HNRNPC: variants seen among roughly 807,000 people sequenced by gnomAD.
HNRNPC encodes heterogeneous nuclear ribonucleoprotein C.
In HNRNPC, 3 loss-of-function variants were observed where a neutral mutation model predicts 33.2. The ratio of observed to expected loss-of-function variants is 0.09; its 90% CI spans 0.04 to 0.23. The LOEUF (loss-of-function observed/expected upper bound fraction) is 0.23, where lower values mean the gene tolerates loss of function less well. Among genes scored for constraint, HNRNPC ranks in the 10% least tolerant of loss-of-function variants. The probability of loss-of-function intolerance (pLI) is 1.00; values close to 1 mark genes in which losing one functional copy is unlikely to be tolerated. For missense variants in HNRNPC, 143 were observed against 366.7 expected, an observed-to-expected ratio of 0.39 and a Z score of 4.98; for synonymous variants, 121 against 126.7, an observed-to-expected ratio of 0.96 and a Z score of 0.30.
At chr14:21,249,603 A>C (rs1044818502) in intron 2 of HNRNPC, among the ~76,000 whole-genome samples, 3 of 148,316 alleles carry the variant, frequency 2.0e-5, no homozygotes, top group African/African-American at 5.1e-5. Flanking sequence ...CAAAAAAAAA[A>C]AAAAAAAAAA....
At chr14:21,242,937 C>A (rs1203209502) in intron 2 of HNRNPC, among the ~76,000 whole-genome samples, 2 of 152,108 alleles carry the variant, frequency 1.3e-5, no homozygotes, top group Non-Finnish European at 2.9e-5. Flanking sequence ...CCGGCATGGC[C>A]AATGTGGTGA....
At chr14:21,245,101 A>G (rs931356436) in intron 2 of HNRNPC, among the ~76,000 whole-genome samples, 8 of 150,532 alleles carry the variant, frequency 5.3e-5, no homozygotes, top group African/African-American at 2.0e-4. Context: ...AAAAAAAAAA[A>G]AAAAAGCAAA....
In HNRNPC at chr14:21,230,379, T is replaced by C. The variant is rs1230670172; in HGVS notation, c.318-13A>G. The stretch of plus-strand genomic sequence containing the variant: ...GTCAAAAGAGGAGCTGAAAAATAAA[T>C]ACCGAAAAGGGTTAATTTGGAAATG... On this transcript the variant is annotated splice_polypyrimidine_tract_variant and intron_variant, in intron 4 of 8. Transcript: ENST00000553300. 1.9e-6 allele frequency: 3 copies of C among 1,599,976 alleles called. No individual in the cohort carries two copies. The highest frequency in any genetic ancestry group is 1.1e-5 in the South Asian group (1 of 90,594).
At chr14:21,251,159 G>A (rs1006274791) in intron 2 of HNRNPC, among the ~76,000 whole-genome samples, 2 of 146,324 alleles carry the variant, frequency 1.4e-5, no homozygotes, top group South Asian at 2.2e-4. Flanking sequence ...TACTCGGGAG[G>A]CTAAGGCAGG....
chr14:21,213,436 G>T, intron 5 of HNRNPC: 1 of 241,324 alleles, frequency 4.1e-6, no homozygotes, highest in Admixed American at 5.0e-5. Context: ...AGTATTAACA[G>T]GGCATTTATT....
intron 5 of HNRNPC, among the ~76,000 whole-genome samples, chr14:21,220,990 G>C (rs1892766102): frequency 6.6e-6 from 1 of 152,160 alleles, no homozygotes; most frequent in Admixed American, 6.5e-5. Context: ...AAGAGGCTAA[G>C]GCAGGAGGAT....
chr14:21,216,024 G>C (rs576559789), intron 5 of HNRNPC, among the ~76,000 whole-genome samples: 110 of 150,642 alleles, frequency 7.3e-4, no homozygotes, highest in African/African-American at 2.6e-3. Context: ...GCTGAGGCAC[G>C]AGAGTTGCTT....
chr14:21,234,315 ACTG>A (rs1894431389), intron 2 of HNRNPC, 86 bp from the exon 3 acceptor site: 41 of 1,220,718 alleles, frequency 3.4e-5, no homozygotes, highest in Admixed American at 3.3e-4. Context: ...ACTCTGAATC[ACTG>A]TTAACTGCCC....
chr14:21,252,214 A>C (rs1896746806), intron 2 of HNRNPC, among the ~76,000 whole-genome samples: 1 of 152,172 alleles, frequency 6.6e-6, no homozygotes, highest in Non-Finnish European at 1.5e-5. Context: ...AAAAGACCCC[A>C]CCAACCATGT....
intron 5 of HNRNPC, among the ~76,000 whole-genome samples, chr14:21,215,336 T>C (rs1892041542): frequency 6.6e-6 from 1 of 152,166 alleles, no homozygotes; most frequent in Non-Finnish European, 1.5e-5. Flanking sequence ...GGATATATAT[T>C]AAGAAGCTCA....
At chr14:21,263,524 G>A (rs1196921145) in intron 1 of HNRNPC, 188 bp from the exon 2 acceptor site, 1 of 152,000 alleles carries the variant, frequency 6.6e-6, no homozygotes, top group African/African-American at 2.4e-5. Context: ...AAATACACGA[G>A]GAAGTAGAGA....
At chr14:21,232,684 ACTTAAT>A (rs537814556) in intron 3 of HNRNPC, among the ~76,000 whole-genome samples, 2 of 152,230 alleles carry the variant, frequency 1.3e-5, no homozygotes, top group South Asian at 4.2e-4. Flanking sequence ...GATATCTTAA[ACTTAAT>A]CTTATTTATC....
chr14:21,222,457 A>C (rs777023847), intron 5 of HNRNPC, among the ~76,000 whole-genome samples: 2 of 152,066 alleles, frequency 1.3e-5, no homozygotes, highest in Non-Finnish European at 2.9e-5. Flanking sequence ...GTGTCTTGTG[A>C]CTGGCTTTGT....
At chr14:21,244,336 T>C (rs1387188586) in intron 2 of HNRNPC, among the ~76,000 whole-genome samples, 1 of 152,232 alleles carries the variant, frequency 6.6e-6, no homozygotes, top group African/African-American at 2.4e-5. Flanking sequence ...ATAATCAAAA[T>C]TGTTTCCTTT....
chr14:21,209,919 AT>A lies in HNRNPC; in HGVS notation c.*1303del. 6.6e-6 allele frequency: 1 copy of A among 152,324 alleles called. No homozygotes were observed. The highest frequency in any genetic ancestry group is 2.1e-4 in the South Asian group (1 of 4,824). 9.4% of individuals were successfully genotyped at this position (152,324 alleles called of 1,614,324 possible). On this transcript the variant is annotated 3_prime_UTR_variant, in exon 9 of 9. Coordinates refer to ENST00000553300, the MANE Select transcript of HNRNPC (RefSeq NM_004500.4). ...GGATGCTAAAAATGCAATCACTGTAATTAATAAAGTTGAGGAAAACACAAAG... is the reference window on the plus strand; with the variant it reads ...GGATGCTAAAAATGCAATCACTGTAATAATAAAGTTGAGGAAAACACAAAG...
At chr14:21,212,920 C>T (rs1335731957) in intron 6 of HNRNPC, 40 bp downstream of exon 6, 1 of 1,608,916 alleles carries the variant, frequency 6.2e-7, no homozygotes, top group African/African-American at 1.3e-5. Context: ...TATCTCAAAA[C>T]ACAAGAGATA....
chr14:21,267,115 A>AC (rs1879141576), intron 1 of HNRNPC, among the ~76,000 whole-genome samples: 1 of 115,720 alleles, frequency 8.6e-6, no homozygotes. Flanking sequence ...AAAAAAAAAA[A>AC]AAAAAAAAAA....
intron 5 of HNRNPC, among the ~76,000 whole-genome samples, chr14:21,217,831 A>AT (rs1366785163): frequency 6.6e-6 from 1 of 152,230 alleles, no homozygotes; most frequent in Non-Finnish European, 1.5e-5. Context: ...GAAATGTTGC[A>AT]TATTAAGGGA....
chr14:21,221,795 A>G (rs1359944667), intron 5 of HNRNPC, among the ~76,000 whole-genome samples: 1 of 152,182 alleles, frequency 6.6e-6, no homozygotes, highest in African/African-American at 2.4e-5. Flanking sequence ...CATGCCTGTA[A>G]TCTCAGCACT....
Sources: allele counts gnomAD v4.1 joint callset (sites outside exome capture counted in the v4.1 genomes callset), GRCh38; gene constraint gnomAD v4.1.1; transcripts MANE v1.5; gene names NCBI Gene and HGNC (gene_info 2026-07-23, HGNC 2026-07-21).